ZNF813: variants seen among roughly 807,000 people sequenced by gnomAD.
ZNF813 encodes the protein zinc finger protein 813.
A neutral mutation model predicts 7.2 loss-of-function variants in ZNF813; 3 were observed. That is an observed-to-expected ratio of 0.42 (90% CI 0.19 to 1.08). The LOEUF is 1.08. ZNF813 is among the 50% of genes least tolerant of loss of function. ZNF813 has a pLI of 0.30. For synonymous variants in ZNF813, 227 were observed against 256.3 expected, an observed-to-expected ratio of 0.89 and a Z score of 1.09; for missense variants, 714 against 753.3, an observed-to-expected ratio of 0.95 and a Z score of 0.61.
chr19:53,490,065 G>T (rs899367613), intron 3 of ZNF813, among the ~76,000 whole-genome samples: 6 of 152,166 alleles, frequency 3.9e-5, no homozygotes, highest in African/African-American at 1.2e-4. Context: ...GTGTGACGGT[G>T]ATATGTTTTT....
At chr19:53,473,492 G>A (rs967118025) in intron 1 of ZNF813, among the ~76,000 whole-genome samples, 1 of 152,206 alleles carries the variant, frequency 6.6e-6, no homozygotes, top group African/African-American at 2.4e-5. Flanking sequence ...CTTGCTGGCT[G>A]GTCCACTTGC....
chr19:53,475,347 T>C (rs371687456), intron 1 of ZNF813, among the ~76,000 whole-genome samples: 21 of 152,394 alleles, frequency 1.4e-4, no homozygotes, highest in East Asian at 1.2e-3. Context: ...CAAACTCTTC[T>C]AGCACAGAAC....
chr19:53,484,433 G>A (rs2086423346), intron 2 of ZNF813, among the ~76,000 whole-genome samples: 1 of 152,192 alleles, frequency 6.6e-6, no homozygotes, highest in African/African-American at 2.4e-5. Flanking sequence ...AATCATAGCA[G>A]GAGATTCATT....
Position 53,489,539 on chromosome 19 carries a change from T to G in ZNF813, c.143-836T>G, listed in dbSNP as rs2086449430. On this transcript the variant is annotated intron_variant, in intron 3 of 3. Transcript: ENST00000396403. ...ATGGCTTGAACCCAAAAGGTGGAGG[T>G]TGCAGTGAGCCAAGATTGGGCCATA... Among the ~76,000 whole-genome samples the G allele has an allele frequency of 2.0e-5, 3 of 151,034 alleles. No homozygotes were observed. The South Asian group carries it at 6.3e-4, about 32-fold the overall frequency.
At chr19:53,487,317 A>T (rs533338983) in intron 3 of ZNF813, among the ~76,000 whole-genome samples, 1 of 151,896 alleles carries the variant, frequency 6.6e-6, no homozygotes, top group East Asian at 1.9e-4. Flanking sequence ...TGTATTGTAG[A>T]TTTTTTTTGT....
In ZNF813 at chr19:53,491,664, C is replaced by T. The variant is rs542712759; in HGVS notation, c.1432C>T (p.Arg478Ter). ...TAATGAGTGTGGCAAGACGTTCAGT[C>T]GAATTTCAGCCCTCGTAATTCATAC... ...KCNECGKTFS[R>*]ISALVIHTAI... The change falls in exon 4 of 4, where the codon CGA (arginine) becomes TGA (stop). Residue 478 changes from arginine (R) to a stop codon, truncating the protein, a stop_gained. Transcript: ENST00000396403. LOFTEE classifies it low-confidence loss of function (END_TRUNC). 27 of 1,613,810 alleles carry T rather than the reference C, an allele frequency of 1.7e-5. No individual in the cohort carries two copies. In the South Asian group the frequency reaches 2.4e-4, roughly 14 times the overall value.
chr19:53,473,581 A>G (rs563857807), intron 1 of ZNF813, among the ~76,000 whole-genome samples: 6 of 152,192 alleles, frequency 3.9e-5, no homozygotes, highest in Non-Finnish European at 8.8e-5. Context: ...GGAGTGGACA[A>G]GATTACAATA....
chr19:53,470,743 A>G (rs2086354637), intron 1 of ZNF813, among the ~76,000 whole-genome samples: 1 of 151,056 alleles, frequency 6.6e-6, no homozygotes, highest in African/African-American at 2.4e-5. Flanking sequence ...TCTTGCAGTT[A>G]TTTCTATAAC....
Position 53,492,706 on chromosome 19 carries a change from C to A in ZNF813, c.*620C>A. The A allele has an allele frequency of 1.3e-6, 1 of 751,244 alleles. No homozygotes were observed. The highest frequency in any genetic ancestry group is 2.2e-6 in the Non-Finnish European group (1 of 460,212). 46.5% of individuals were successfully genotyped at this position (751,244 alleles called of 1,614,324 possible). On this transcript the variant is annotated 3_prime_UTR_variant, in exon 4 of 4. Coordinates refer to ENST00000396403, the MANE Select transcript of ZNF813 (RefSeq NM_001004301.4). ...TGGAGAACCCATAAGGAAGAGAGAT[C>A]ATACAAGTGTAATAATCGGCAAATT...
chr19:53,488,490 C>A (rs900888329), intron 3 of ZNF813, among the ~76,000 whole-genome samples: 1 of 150,856 alleles, frequency 6.6e-6, no homozygotes, highest in Non-Finnish European at 1.5e-5. Flanking sequence ...CTAACTGCAA[C>A]CTCTGCTTAC....
chr19:53,492,132 C>A lies in ZNF813; in HGVS notation c.*46C>A. On this transcript the variant is annotated 3_prime_UTR_variant, in exon 4 of 4. Transcript: ENST00000396403. ...TCATACAATTCATACTGGAAAGAAA[C>A]AAGTGCAATGAGTGTGGCAAGACCT... 6.3e-7 allele frequency: 1 copy of A among 1,579,094 alleles called. No homozygotes were observed. Among genetic ancestry groups the A allele is most frequent in the Non-Finnish European group, 8.6e-7 (1 of 1,162,128 alleles).
At chr19:53,473,009 A>G (rs1301477232) in intron 1 of ZNF813, among the ~76,000 whole-genome samples, 1 of 152,102 alleles carries the variant, frequency 6.6e-6, no homozygotes, top group Non-Finnish European at 1.5e-5. Flanking sequence ...GGTAGGTAGT[A>G]TGTGTACAGT....
At chr19:53,485,587 T>C (rs1207177260) in intron 2 of ZNF813, among the ~76,000 whole-genome samples, 1 of 139,816 alleles carries the variant, frequency 7.2e-6, no homozygotes, top group East Asian at 2.3e-4. Flanking sequence ...TGTCATGACA[T>C]ATGTATGTCA....
At position 53,470,529 on chromosome 19, in the gene ZNF813, G is replaced by A. The variant is rs1365423642; in HGVS notation, c.-74+2740G>A. Among the ~76,000 whole-genome samples, 8 of 130,246 alleles carry A rather than the reference G, an allele frequency of 6.1e-5. 1 individual carries two copies. The highest frequency in any genetic ancestry group is 2.3e-4 in the Admixed American group (3 of 12,806). 85.4% of individuals were successfully genotyped at this position (130,246 alleles called of 152,430 possible). ...TATTAGCTGAGTGGTAGTCTGCCTA[G>A]TGACAATTGCTTCTATAGTTGATTG... On this transcript the variant is annotated intron_variant, in intron 1 of 3. Transcript: ENST00000396403.
chr19:53,467,745 A>C lies in ZNF813; in HGVS notation c.-118A>C, dbSNP rs1458519483. ...TTCTGTCCTGCGCGCAGATTCGCGA[A>C]AACCCGGAAGCGGATCGCGTGGAGT... On this transcript the variant is annotated 5_prime_UTR_variant, in exon 1 of 4. Transcript: ENST00000396403. The C allele has an allele frequency of 5.6e-6, 1 of 178,324 alleles. No homozygotes were observed. Among genetic ancestry groups the C allele is most frequent in the African/African-American group, 2.4e-5 (1 of 42,022 alleles). The allele number at this position is 178,324 out of a possible 1,614,324, so 11.0% of individuals were successfully genotyped here. A position where few individuals can be genotyped will look rare whatever the true frequency, so the allele number is the denominator to read the frequency against.
At position 53,491,722 on chromosome 19, in the gene ZNF813, G is replaced by A. The variant is rs1259807880; in HGVS notation, c.1490G>A (p.Cys497Tyr). The change falls in exon 4 of 4, where the codon TGT becomes TAT. Residue 497 changes from cysteine (C) to tyrosine (Y), a missense_variant. Cys to Tyr is a radical substitution (Grantham distance 194, BLOSUM62 -2). Transcript: ENST00000396403. ...CATACTGGAGAGAAACCTTACAAGTGTAATGAATGTGGCAAGGGTTTTAAT... is the reference window on the plus strand; with the variant it reads ...CATACTGGAGAGAAACCTTACAAGTATAATGAATGTGGCAAGGGTTTTAAT... The part of the protein sequence containing the change: ...AIHTGEKPYK[C>Y]NECGKGFNRK... 3.2e-6 allele frequency: 5 copies of A among 1,573,506 alleles called. No individual in the cohort carries two copies. The highest frequency in any genetic ancestry group is 1.4e-5 in the African/African-American group (1 of 73,932).
chr19:53,487,862 TTA>T (rs2086441538), intron 3 of ZNF813, among the ~76,000 whole-genome samples: 1 of 152,056 alleles, frequency 6.6e-6, no homozygotes, highest in African/African-American at 2.4e-5. Flanking sequence ...AACTCTTTAT[TTA>T]TGTCAGAATT....
intron 1 of ZNF813, among the ~76,000 whole-genome samples, chr19:53,473,798 A>G (rs949400280): frequency 2.0e-5 from 3 of 152,112 alleles, no homozygotes; most frequent in Non-Finnish European, 2.9e-5. Flanking sequence ...ATCACTTTTA[A>G]TTTGACTTAT....
Position 53,467,802 on chromosome 19 carries a change from C to G in ZNF813, c.-74+13C>G, listed in dbSNP as rs1211164074. On this transcript the variant is annotated intron_variant, in intron 1 of 3. Coordinates refer to ENST00000396403, the MANE Select transcript of ZNF813 (RefSeq NM_001004301.4). ...CCCACGGCAGCGCGTGAGTTTGGCT[C>G]TGTGTTGTATTAGGTCTGCACTTCC... 1 of 170,026 alleles carries G rather than the reference C, an allele frequency of 5.9e-6. No homozygotes were observed. Among genetic ancestry groups the G allele is most frequent in the African/African-American group, 2.4e-5 (1 of 41,808 alleles). The allele number at this position is 170,026 out of a possible 1,614,324, so 10.5% of individuals were successfully genotyped here.
Sources: allele counts gnomAD v4.1 joint callset (sites outside exome capture counted in the v4.1 genomes callset), GRCh38; gene constraint gnomAD v4.1.1; transcripts MANE v1.5; gene names NCBI Gene and HGNC (gene_info 2026-07-23, HGNC 2026-07-21).